Variants in YTHDC2 observed in about 807,000 individuals in gnomAD.
The protein encoded by YTHDC2 is 3'-5' RNA helicase YTHDC2.
In YTHDC2, 45 loss-of-function variants were observed where a neutral mutation model predicts 174.9. That is an observed-to-expected ratio of 0.26 (90% CI 0.20 to 0.33). The LOEUF (loss-of-function observed/expected upper bound fraction) is 0.33. Among genes scored for constraint, YTHDC2 ranks in the 10% least tolerant of loss-of-function variants. The pLI, the probability that YTHDC2 is intolerant of heterozygous loss-of-function variation, is 1.00. For synonymous variants in YTHDC2, 657 were observed against 574.5 expected (o/e 1.14, Z -2.05); for missense variants, 1,650 against 1,723.7 (o/e 0.96, Z 0.76).
chr5:113,543,578 G>A (rs1424134488), intron 10 of YTHDC2, among the ~76,000 whole-genome samples: 1 of 152,084 alleles, frequency 6.6e-6, no homozygotes, highest in African/African-American at 2.4e-5. Context: ...TCTGTTCTCC[G>A]CAGAAAAATA....
intron 18 of YTHDC2, among the ~76,000 whole-genome samples, chr5:113,561,967 T>G (rs1041245812): frequency 3.8e-5 from 4 of 105,206 alleles, no homozygotes; most frequent in Admixed American, 2.7e-4. Flanking sequence ...GGTGTGTGTG[T>G]GTGTGTGTGT....
At position 113,544,829 on chromosome 5, in the gene YTHDC2, A is replaced by C. The variant is rs142809228; in HGVS notation, c.1495+2326A>C. Among the ~76,000 whole-genome samples, 513 of 152,168 alleles carry C rather than the reference A, an allele frequency of 3.4e-3. 2 individuals are homozygous for C. Among genetic ancestry groups the C allele is most frequent in the African/African-American group, 0.012 (486 of 41,522 alleles). ...ATCCCTTTTGAAAAGCATAGTATCCAGTTCTGAGTGTTAATCTCTTAGTAA... is the reference window on the plus strand; with the variant it reads ...ATCCCTTTTGAAAAGCATAGTATCCCGTTCTGAGTGTTAATCTCTTAGTAA... On this transcript the variant is annotated intron_variant, in intron 10 of 29. Transcript: ENST00000161863.
intron 4 of YTHDC2, among the ~76,000 whole-genome samples, chr5:113,531,451 G>A (rs980188744): frequency 1.3e-5 from 2 of 152,164 alleles, no homozygotes; most frequent in Admixed American, 6.5e-5. Flanking sequence ...TACCTCCTGA[G>A]TAGAGAGCAA....
intron 10 of YTHDC2, among the ~76,000 whole-genome samples, chr5:113,547,676 AG>A (rs1775980700): frequency 6.6e-6 from 1 of 152,224 alleles, no homozygotes; most frequent in African/African-American, 2.4e-5. Flanking sequence ...AGTCTTAAAA[AG>A]AAAGCCTGAG....
intron 26 of YTHDC2, among the ~76,000 whole-genome samples, chr5:113,588,050 G>C (rs775985337): frequency 6.6e-6 from 1 of 151,916 alleles, no homozygotes; most frequent in Non-Finnish European, 1.5e-5. Context: ...GGTATTCATT[G>C]TTAGTATATA....
chr5:113,562,234 A>G (rs114357189), intron 18 of YTHDC2, among the ~76,000 whole-genome samples: 2,981 of 136,008 alleles, frequency 0.022, 113 homozygotes, highest in African/African-American at 0.078. Context: ...TAACAAGAGC[A>G]TAAATTGCCT....
chr5:113,588,407 C>G (rs1030065531), intron 26 of YTHDC2, among the ~76,000 whole-genome samples: 5 of 151,790 alleles, frequency 3.3e-5, no homozygotes, highest in Non-Finnish European at 5.9e-5. Context: ...AATGAGGGAT[C>G]TTTGTTCATG....
chr5:113,574,377 C>T (rs1777911223), intron 23 of YTHDC2, among the ~76,000 whole-genome samples: 1 of 152,138 alleles, frequency 6.6e-6, no homozygotes, highest in Admixed American at 6.6e-5. Context: ...TGCTGGCCCA[C>T]ATGCATCTGT....
chr5:113,521,777 G>T (rs1773877205), intron 2 of YTHDC2, among the ~76,000 whole-genome samples: 1 of 147,604 alleles, frequency 6.8e-6, no homozygotes, highest in Non-Finnish European at 1.5e-5. Flanking sequence ...TTTACTGTAG[G>T]CATAGTGACC....
intron 2 of YTHDC2, chr5:113,517,722 A>T (rs990845652): frequency 5.1e-5 from 18 of 350,892 alleles, no homozygotes; most frequent in Admixed American, 2.9e-4. Flanking sequence ...TAAACTTTGT[A>T]CTATATTTTC....
chr5:113,535,820 C>G, intron 7 of YTHDC2, 22 bp downstream of exon 7: 1 of 1,533,976 alleles, frequency 6.5e-7, no homozygotes, highest in Non-Finnish European at 8.8e-7. Context: ...TGTCAGATTT[C>G]TTCTATAATT....
intron 23 of YTHDC2, among the ~76,000 whole-genome samples, chr5:113,568,226 A>T (rs1051804077): frequency 3.9e-5 from 6 of 152,252 alleles, no homozygotes; most frequent in African/African-American, 1.4e-4. Context: ...ATGTTTACAT[A>T]TTTTAAATTA....
intron 9 of YTHDC2, 109 bp from the exon 10 acceptor site, chr5:113,542,259 T>A: frequency 8.8e-7 from 1 of 1,137,600 alleles, no homozygotes. Context: ...GCATTTGCTA[T>A]ATTATCATAG....
intron 23 of YTHDC2, among the ~76,000 whole-genome samples, chr5:113,577,484 C>G (rs1197940485): frequency 6.6e-6 from 1 of 152,090 alleles, no homozygotes; most frequent in Non-Finnish European, 1.5e-5. Flanking sequence ...ATCCTCCCAC[C>G]TCAGTCTCTC....
intron 23 of YTHDC2, among the ~76,000 whole-genome samples, chr5:113,570,737 G>A (rs1446249029): frequency 1.3e-5 from 2 of 151,950 alleles, no homozygotes; most frequent in African/African-American, 2.4e-5. Context: ...TGCAACCTCC[G>A]CCTTCTGGGT....
chr5:113,518,556 CGTGTGTGTGTGTGTGTGT>C (rs67062871), intron 2 of YTHDC2, among the ~76,000 whole-genome samples: 29,109 of 144,512 alleles, frequency 0.2, 3,227 homozygotes, highest in Admixed American at 0.33. Context: ...AGTTAGTTTT[CGTGTGTGTGTGTGTGTGT>C]GTGTGTGTGT....
chr5:113,553,917 A>C (rs963110742), intron 15 of YTHDC2, 25 bp from the exon 16 acceptor site: 1 of 1,582,168 alleles, frequency 6.3e-7, no homozygotes, highest in African/African-American at 1.4e-5. Flanking sequence ...TTTTTTATTA[A>C]CTTTAAAGTA....
chr5:113,580,737 TC>T (rs1231177748), intron 24 of YTHDC2, among the ~76,000 whole-genome samples: 1 of 152,212 alleles, frequency 6.6e-6, no homozygotes, highest in Non-Finnish European at 1.5e-5. Flanking sequence ...ATCACTATTG[TC>T]CATATCCTCC....
Position 113,566,035 on chromosome 5 carries a change from C to T in YTHDC2, c.2842+16C>T. The T allele has an allele frequency of 6.3e-7, 1 of 1,591,374 alleles. No individual in the cohort carries two copies. Among genetic ancestry groups the T allele is most frequent in the Non-Finnish European group, 8.5e-7 (1 of 1,169,756 alleles). On this transcript the variant is annotated intron_variant, in intron 21 of 29. Transcript: ENST00000161863. ...AGAGCATCAGGTAAAGTTTTTCCCTCAAAGAGCCTATTTAAGTTACTGAGA... is the reference window on the plus strand; with the variant it reads ...AGAGCATCAGGTAAAGTTTTTCCCTTAAAGAGCCTATTTAAGTTACTGAGA...
Sources: gnomAD v4.1 joint callset for allele counts (sites outside exome capture counted in the v4.1 genomes callset) on GRCh38, gnomAD v4.1.1 for gene constraint, MANE v1.5 for transcripts, NCBI Gene and HGNC (gene_info 2026-07-23, HGNC 2026-07-21) for gene names.